Variants in RARB observed in about 807,000 individuals in gnomAD.
RARB encodes the protein retinoic acid receptor beta.
RARB carries 17 observed loss-of-function variants against 51.9 expected under a neutral mutation model. That is an observed-to-expected ratio of 0.33 (90% confidence interval 0.22 to 0.49). The LOEUF is 0.49. RARB is among the 20% of genes least tolerant of loss of function. The probability of loss-of-function intolerance (pLI) is 0.99; values close to 1 mark genes in which losing one functional copy is unlikely to be tolerated. For synonymous variants in RARB, 215 were observed against 195.4 expected (o/e 1.10, Z -0.84); for missense variants, 369 against 550.8 (o/e 0.67, Z 3.30).
chr3:25,092,693 C>T (rs1443875914), intron 3 of RARB, among the ~76,000 whole-genome samples: 1 of 152,074 alleles, frequency 6.6e-6, no homozygotes, highest in East Asian at 1.9e-4. Flanking sequence ...AATGCCTTCT[C>T]TTTGATAAGA....
At chr3:24,978,539 C>T (rs1439156019) in intron 2 of RARB, among the ~76,000 whole-genome samples, 2 of 152,126 alleles carry the variant, frequency 1.3e-5, no homozygotes, top group Non-Finnish European at 2.9e-5. Context: ...AATTTATTTG[C>T]ATAGAGGTGT....
intron 5 of RARB, among the ~76,000 whole-genome samples, chr3:25,420,347 T>C (rs1459599702): frequency 6.6e-6 from 1 of 152,210 alleles, no homozygotes; most frequent in Admixed American, 6.5e-5. Context: ...GGAAATTCCT[T>C]TGGGCTTTTA....
intron 2 of RARB, among the ~76,000 whole-genome samples, chr3:24,879,389 A>G (rs1304331964): frequency 6.6e-6 from 1 of 151,748 alleles, no homozygotes; most frequent in African/African-American, 2.4e-5. Flanking sequence ...AGATCGCATC[A>G]CTGCATTCCA....
At chr3:25,479,565 A>G (rs1308299193) in intron 2 of RARB, among the ~76,000 whole-genome samples, 2 of 152,246 alleles carry the variant, frequency 1.3e-5, no homozygotes, top group African/African-American at 4.8e-5. Flanking sequence ...TTTTGAAAGA[A>G]TTGAATTTCA....
intron 4 of RARB, among the ~76,000 whole-genome samples, chr3:25,159,496 A>C (rs919728893): frequency 1.1e-4 from 17 of 151,446 alleles, no homozygotes; most frequent in African/African-American, 3.4e-4. Flanking sequence ...GTCTTGAGTA[A>C]TAGCGTCATC....
chr3:25,518,668 C>T (rs1255619064), intron 3 of RARB, among the ~76,000 whole-genome samples: 1 of 152,136 alleles, frequency 6.6e-6, no homozygotes, highest in Non-Finnish European at 1.5e-5. Context: ...CATTCCATTT[C>T]AAATTCTATA....
chr3:24,871,953 G>C (rs1702956499), intron 2 of RARB, among the ~76,000 whole-genome samples: 1 of 151,946 alleles, frequency 6.6e-6, no homozygotes, highest in Non-Finnish European at 1.5e-5. Flanking sequence ...CATCACCCTG[G>C]TCTGATCCAC....
intron 3 of RARB, among the ~76,000 whole-genome samples, chr3:25,081,604 TATATATATATATATA>T (rs1259697036): frequency 8.8e-4 from 13 of 14,834 alleles, no homozygotes; most frequent in Admixed American, 1.5e-3. Flanking sequence ...TATATATATA[TATATATATATATATA>T]TATTTTTTTT....
chr3:25,357,163 C>G (rs557655980), intron 5 of RARB, among the ~76,000 whole-genome samples: 1 of 152,320 alleles, frequency 6.6e-6, no homozygotes, highest in Admixed American at 6.5e-5. Context: ...TCTTCACATC[C>G]TCTCCAGCAT....
chr3:25,178,930 T>C (rs991307078), intron 5 of RARB, among the ~76,000 whole-genome samples: 16 of 152,198 alleles, frequency 1.1e-4, no homozygotes, highest in African/African-American at 3.1e-4. Flanking sequence ...GCACATGTGC[T>C]TTTTATAGGT....
chr3:25,210,526 A>ATTCTTTTTTTTT (rs1701666342), intron 5 of RARB, among the ~76,000 whole-genome samples: 1 of 33,490 alleles, frequency 3.0e-5, no homozygotes, highest in Non-Finnish European at 7.8e-5. Context: ...TCTTTATCTG[A>ATTCTTTTTTTTT]TTCTTTTTTT....
At chr3:25,386,732 C>T (rs1170001513) in intron 5 of RARB, among the ~76,000 whole-genome samples, 6 of 152,098 alleles carry the variant, frequency 3.9e-5, no homozygotes, top group East Asian at 1.9e-4. Flanking sequence ...GATAAGGGGG[C>T]GATTGTTTGG....
intron 1 of RARB, among the ~76,000 whole-genome samples, chr3:24,842,190 A>T (rs1702428358): frequency 6.6e-6 from 1 of 152,164 alleles, no homozygotes. Flanking sequence ...AATAATTCAG[A>T]TTATTTTCAT....
intron 4 of RARB, among the ~76,000 whole-genome samples, chr3:25,134,296 C>G (rs1465563600): frequency 6.6e-6 from 1 of 151,848 alleles, no homozygotes; most frequent in African/African-American, 2.4e-5. Flanking sequence ...TTCAGAAGTT[C>G]TTAAATGGCA....
chr3:24,953,759 T>G (rs1018409312), intron 2 of RARB, among the ~76,000 whole-genome samples: 2 of 152,174 alleles, frequency 1.3e-5, no homozygotes, highest in Admixed American at 6.5e-5. Context: ...TCCCACCTCA[T>G]ATACGTTCCC....
At chr3:24,921,476 A>G (rs927005509) in intron 2 of RARB, among the ~76,000 whole-genome samples, 2 of 152,142 alleles carry the variant, frequency 1.3e-5, no homozygotes, top group Non-Finnish European at 2.9e-5. Context: ...CATTCCTGTG[A>G]TAAGTGTTTA....
intron 3 of RARB, among the ~76,000 whole-genome samples, chr3:25,568,912 A>G (rs536505955): frequency 6.6e-6 from 1 of 152,206 alleles, no homozygotes; most frequent in African/African-American, 2.4e-5. Flanking sequence ...TTTGAGTTAC[A>G]CTCGGATTTG....
Position 24,904,400 on chromosome 3 carries a change from CAT to C in RARB, c.-380+45651_-380+45652del, listed in dbSNP as rs565272492. On this transcript the variant is annotated intron_variant, in intron 2 of 11. Transcript: ENST00000383772. ...AGAAGACATTTATGCAGCCAACAAACATATGAAAAAAAGCTCATCATCACTGG... is the reference window on the plus strand; with the variant it reads ...AGAAGACATTTATGCAGCCAACAAACATGAAAAAAAGCTCATCATCACTGG... 9.9e-5 allele frequency among the ~76,000 whole-genome samples: 15 copies of C among 152,156 alleles called. No homozygotes were observed. In the South Asian group the frequency reaches 2.9e-3, roughly 29 times the overall value.
intron 5 of RARB, among the ~76,000 whole-genome samples, chr3:25,305,331 C>G (rs1704129663): frequency 6.6e-6 from 1 of 152,060 alleles, no homozygotes; most frequent in Non-Finnish European, 1.5e-5. Context: ...TGTCCTCAGA[C>G]AGCAATGCCC....
Sources: gnomAD v4.1 joint callset for allele counts (sites outside exome capture counted in the v4.1 genomes callset) on GRCh38, gnomAD v4.1.1 for gene constraint, MANE v1.5 for transcripts, NCBI Gene and HGNC (gene_info 2026-07-23, HGNC 2026-07-21) for gene names.